Variants in TENM1 observed in about 807,000 individuals in gnomAD.
TENM1 encodes the protein teneurin-1.
In TENM1, 35 loss-of-function variants were observed where a neutral mutation model predicts 174.8. That is an observed-to-expected ratio of 0.20 (90% CI 0.15 to 0.27). The LOEUF (loss-of-function observed/expected upper bound fraction) is 0.27, where lower values mean the gene tolerates loss of function less well. Ranked by LOEUF, TENM1 falls within the 10% of genes least tolerant of loss-of-function variation. The probability of loss-of-function intolerance (pLI) is 1.00; values close to 1 mark genes in which losing one functional copy is unlikely to be tolerated. For synonymous variants in TENM1, 781 were observed against 798.7 expected (o/e 0.98, Z 0.37); for missense variants, 1,633 against 2,130.1 (o/e 0.77, Z 4.59).
intron 1 of TENM1, among the ~76,000 whole-genome samples, chrX:124,954,391 C>T (rs1043346467): frequency 2.7e-5 from 3 of 112,033 alleles, no homozygotes; most frequent in African/African-American, 9.7e-5. Flanking sequence ...TTTCTGGCTT[C>T]TTTCCCTTCT....
At chrX:125,065,713 G>A in the TENM1 span, among the ~76,000 whole-genome samples, 9 of 111,851 alleles carry the variant, frequency 8.0e-5, no homozygotes, top group Admixed American at 3.8e-4. Flanking sequence ...GTCCCTTCAT[G>A]TGTAAAGTCC....
At chrX:124,770,462 G>A (rs779464090) in intron 3 of TENM1, among the ~76,000 whole-genome samples, 1 of 111,785 alleles carries the variant, frequency 8.9e-6, no homozygotes, top group South Asian at 3.7e-4. Context: ...CTGGAATGCA[G>A]TGGTGCAACC....
intron 5 of TENM1, among the ~76,000 whole-genome samples, chrX:124,687,770 T>C (rs902521345): frequency 8.9e-6 from 1 of 111,769 alleles, no homozygotes; most frequent in Non-Finnish European, 1.9e-5. Flanking sequence ...GCAAAGGACA[T>C]GAACAAACAC....
Position 124,494,729 on chromosome X carries a change from T to C in TENM1, c.3695+2287A>G, listed in dbSNP as rs1165252537. Among the ~76,000 whole-genome samples the C allele has an allele frequency of 6.5e-5, 7 of 107,338 alleles. No individual in the cohort carries two copies. In the East Asian group the frequency reaches 2.1e-3, roughly 32 times the overall value. 93.2% of individuals were successfully genotyped at this position (107,338 alleles called of 115,157 possible). A position where few individuals can be genotyped will look rare whatever the true frequency, so the allele number is the denominator to read the frequency against. On this transcript the variant is annotated intron_variant, in intron 20 of 31. Transcript: ENST00000422452. ...TTCCTGTGTCCATGTGATCTCATTG[T>C]TCAATTCCCACCTATGAGTGAGAAT...
At chrX:124,776,507 A>G (rs773355381) in intron 3 of TENM1, among the ~76,000 whole-genome samples, 76 of 112,257 alleles carry the variant, frequency 6.8e-4, no homozygotes, top group African/African-American at 2.2e-3. Context: ...TTAGACTTTA[A>G]GACAAGTAAG....
At chrX:124,785,415 AT>A (rs745910045) in intron 3 of TENM1, among the ~76,000 whole-genome samples, 120 of 111,804 alleles carry the variant, frequency 1.1e-3, no homozygotes, top group African/African-American at 3.7e-3. Context: ...GGCCAGGCAT[AT>A]CCCATAATGG....
At chrX:124,841,137 T>G (rs2056489936) in intron 3 of TENM1, among the ~76,000 whole-genome samples, 1 of 111,863 alleles carries the variant, frequency 8.9e-6, no homozygotes, top group South Asian at 3.7e-4. Context: ...CGATACTTTT[T>G]ACTAAAACAA....
At chrX:124,415,946 CTGT>C (rs1390075614) in intron 25 of TENM1, among the ~76,000 whole-genome samples, 1 of 111,398 alleles carries the variant, frequency 9.0e-6, no homozygotes, top group Non-Finnish European at 1.9e-5. Context: ...TACAAATATG[CTGT>C]TATTTCTCTC....
At chrX:124,783,294 C>G (rs186717407) in intron 3 of TENM1, among the ~76,000 whole-genome samples, 129 of 111,635 alleles carry the variant, frequency 1.2e-3, no homozygotes, top group Non-Finnish European at 1.8e-3. Flanking sequence ...TAAGAAATAT[C>G]AGGAAGAATA....
At chrX:124,985,068 G>A in the TENM1 span, among the ~76,000 whole-genome samples, 2 of 112,033 alleles carry the variant, frequency 1.8e-5, no homozygotes, top group African/African-American at 3.2e-5. Context: ...CGTCAACAAA[G>A]CATATGAATT....
At chrX:125,163,503 T>C in the TENM1 span, among the ~76,000 whole-genome samples, 2 of 111,148 alleles carry the variant, frequency 1.8e-5, no homozygotes, top group Non-Finnish European at 3.8e-5. Context: ...TAAAGTAAGT[T>C]TGACATGACA....
rs190476226 is a variant in TENM1, at chrX:124,698,766, C to T, written c.1015+6247G>A. On this transcript the variant is annotated intron_variant, in intron 5 of 31. Transcript: ENST00000422452. ...ACCTTTCTGTATCTTTCCTTTTTTGCTTCCCCAGGTATTGCAATATATTTG... is the reference window on the plus strand; with the variant it reads ...ACCTTTCTGTATCTTTCCTTTTTTGTTTCCCCAGGTATTGCAATATATTTG... Among the ~76,000 whole-genome samples the T allele has an allele frequency of 3.7e-3, 409 of 111,253 alleles. 1 individual carries two copies. The highest frequency in any genetic ancestry group is 6.4e-3 in the Non-Finnish European group (337 of 52,771).
intron 22 of TENM1, among the ~76,000 whole-genome samples, chrX:124,463,166 G>A (rs772777001): frequency 8.9e-6 from 1 of 111,928 alleles, no homozygotes; most frequent in East Asian, 2.8e-4. Flanking sequence ...CATGTTAGGA[G>A]TTCTGAAGAA....
At chrX:124,766,163 T>C (rs1030200929) in intron 3 of TENM1, among the ~76,000 whole-genome samples, 1 of 111,604 alleles carries the variant, frequency 9.0e-6, no homozygotes, top group Non-Finnish European at 1.9e-5. Context: ...AGGAGTTAAC[T>C]GACTTTACTA....
At chrX:124,972,296 G>A in the TENM1 span, among the ~76,000 whole-genome samples, 2 of 111,110 alleles carry the variant, frequency 1.8e-5, no homozygotes, top group African/African-American at 6.5e-5. Context: ...TTTATGCATA[G>A]TATTTGTTGA....
At chrX:124,939,067 G>A (rs932568501) in intron 1 of TENM1, among the ~76,000 whole-genome samples, 5 of 111,520 alleles carry the variant, frequency 4.5e-5, no homozygotes, top group Non-Finnish European at 1.9e-5. Context: ...TGGAAACTGG[G>A]TACACTAACA....
intron 5 of TENM1, among the ~76,000 whole-genome samples, chrX:124,680,915 C>T (rs2052218446): frequency 9.1e-6 from 1 of 110,092 alleles, no homozygotes; most frequent in African/African-American, 3.3e-5. Flanking sequence ...GCAATAGTAA[C>T]CAGGTTCTTT....
the TENM1 span, among the ~76,000 whole-genome samples, chrX:125,188,522 CTATTAT>C: frequency 1.8e-5 from 2 of 111,691 alleles, no homozygotes; most frequent in Admixed American, 9.5e-5. Context: ...ATCCCCAAAC[CTATTAT>C]TTTTATATTT....
intron 26 of TENM1, 85 bp downstream of exon 29, chrX:124,406,232 C>T (rs2060460363): frequency 2.7e-6 from 2 of 743,436 alleles, no homozygotes; most frequent in Non-Finnish European, 3.9e-6. Context: ...GAGGTGAATT[C>T]TGTTTATGAA....
Sources: allele counts gnomAD v4.1 joint callset (sites outside exome capture counted in the v4.1 genomes callset), GRCh38; gene constraint gnomAD v4.1.1; transcripts MANE v1.5; gene names NCBI Gene and HGNC (gene_info 2026-07-23, HGNC 2026-07-21).